The following TOP1 variants were observed in gnomAD, a reference collection of about 807,000 sequenced individuals.
TOP1 encodes the protein DNA topoisomerase 1.
Under a neutral mutation model 111.1 loss-of-function variants are expected in TOP1, and 10 were observed. That is an observed-to-expected ratio of 0.09 (90% CI 0.06 to 0.15). The LOEUF is 0.15. Among genes scored for constraint, TOP1 ranks in the 10% least tolerant of loss-of-function variants. The probability of loss-of-function intolerance (pLI) is 1.00; values close to 1 mark genes in which losing one functional copy is unlikely to be tolerated. For missense variants in TOP1, 474 were observed against 926.7 expected (o/e 0.51, Z 6.34); for synonymous variants, 271 against 302.9 (o/e 0.89, Z 1.10).
At position 41,082,088 on chromosome 20, in the gene TOP1, C is replaced by G. The variant is rs184668477; in HGVS notation, c.507+848C>G. On this transcript the variant is annotated intron_variant, in intron 7 of 20. Transcript: ENST00000361337. The surrounding 1 kb of genome is among the most constrained non-coding windows in gnomAD (Gnocchi z 4.1). ...CACAGGGGTCTTAATGATGCCCTCC[C>G]CTAAGACAAGAAGGGGTTGGGTGAG... Among the ~76,000 whole-genome samples the G allele has an allele frequency of 1.2e-3, 184 of 152,196 alleles. No homozygotes were observed. Among genetic ancestry groups the G allele is most frequent in the Non-Finnish European group, 1.8e-3 (124 of 67,998 alleles).
At chr20:41,036,751 C>T (rs1268634011) in intron 2 of TOP1, among the ~76,000 whole-genome samples, 1 of 151,814 alleles carries the variant, frequency 6.6e-6, no homozygotes, top group Non-Finnish European at 1.5e-5. Flanking sequence ...AGTTACAAAG[C>T]GGTCACTGTA....
At chr20:41,045,460 C>T (rs982424842) in intron 2 of TOP1, among the ~76,000 whole-genome samples, 7 of 152,128 alleles carry the variant, frequency 4.6e-5, no homozygotes, top group South Asian at 2.1e-4. Flanking sequence ...GGCAGTTGTA[C>T]GTTTTATTTG....
intron 4 of TOP1, among the ~76,000 whole-genome samples, chr20:41,076,958 T>C (rs1279265083): frequency 2.0e-5 from 3 of 152,186 alleles, no homozygotes; most frequent in Non-Finnish European, 4.4e-5. Flanking sequence ...CCTTTGTGTG[T>C]ATATATGAAG....
In TOP1 at chr20:41,118,094, T is replaced by C. The variant is rs2034362836; in HGVS notation, c.1823-75T>C. 22 of 1,505,024 alleles carry C rather than the reference T, an allele frequency of 1.5e-5. No homozygotes were observed. In the South Asian group the frequency reaches 2.8e-4, roughly 19 times the overall value. 93.2% of individuals were successfully genotyped at this position (1,505,024 alleles called of 1,614,324 possible). A position where few individuals can be genotyped will look rare whatever the true frequency, so the allele number is the denominator to read the frequency against. The stretch of plus-strand genomic sequence containing the variant: ...CAGCAAAATCATGGGGACGAGGCAC[T>C]GGGGGAAGACATACTGTGTGTTCAC... On this transcript the variant is annotated intron_variant, in intron 17 of 20. Transcript: ENST00000361337. The surrounding 1 kb of genome is among the most constrained non-coding windows in gnomAD (Gnocchi z 4.6).
At position 41,030,817 on chromosome 20, in the gene TOP1, A is replaced by G. The variant is rs527554204; in HGVS notation, c.58+1362A>G. On this transcript the variant is annotated intron_variant, in intron 2 of 20. Transcript: ENST00000361337. The surrounding 1 kb of genome is among the most constrained non-coding windows in gnomAD (Gnocchi z 4.1). ...GAGCAACCTTATGTTCAGAGTTTGA[A>G]GTGGGGCATCCAGCAGGAGATGGTA... is the stretch of plus-strand genomic sequence containing the variant. 6.6e-6 allele frequency among the ~76,000 whole-genome samples: 1 copy of G among 152,286 alleles called. No individual in the cohort carries two copies. The highest frequency in any genetic ancestry group is 1.9e-4 in the East Asian group (1 of 5,178).
At chr20:41,038,209 G>A (rs1208851839) in intron 2 of TOP1, among the ~76,000 whole-genome samples, 1 of 152,088 alleles carries the variant, frequency 6.6e-6, no homozygotes, top group Non-Finnish European at 1.5e-5. Flanking sequence ...GAGACTTAAA[G>A]GGAATTTAAA....
Position 41,030,106 on chromosome 20 carries a change from T to C in TOP1, c.58+651T>C, listed in dbSNP as rs1336083909. Among the ~76,000 whole-genome samples the C allele has an allele frequency of 6.6e-6, 1 of 152,232 alleles. No individual in the cohort carries two copies. The highest frequency in any genetic ancestry group is 2.4e-5 in the African/African-American group (1 of 41,458). On this transcript the variant is annotated intron_variant, in intron 2 of 20. Coordinates refer to ENST00000361337, the MANE Select transcript of TOP1 (RefSeq NM_003286.4). The surrounding 1 kb of genome is among the most constrained non-coding windows in gnomAD (Gnocchi z 4.1). Reference sequence around the variant, plus strand: ...CCACGCTTTGTGGAGTTCTTTATATTTCCAGGTTGTTTTTCCCAAGTTACG... The same window carrying C: ...CCACGCTTTGTGGAGTTCTTTATATCTCCAGGTTGTTTTTCCCAAGTTACG...
chr20:41,088,849 A>G (rs1049194294), intron 8 of TOP1, among the ~76,000 whole-genome samples: 2 of 152,068 alleles, frequency 1.3e-5, no homozygotes, highest in Admixed American at 6.5e-5. Context: ...TAAATTGTGT[A>G]AAATACATAT....
intron 9 of TOP1, among the ~76,000 whole-genome samples, chr20:41,093,341 T>C (rs2033942997): frequency 6.6e-6 from 1 of 152,224 alleles, no homozygotes; most frequent in South Asian, 2.1e-4. Context: ...CATACCCTTA[T>C]GTGCTTATGA....
rs115167442 is a variant in TOP1 at position 41,115,526 on chromosome 20, G to C, written c.1707+87G>C. 394 of 1,015,232 alleles carry C rather than the reference G, an allele frequency of 3.9e-4. 2 individuals carry two copies. In the African/African-American group the frequency reaches 5.8e-3, roughly 15 times the overall value. The allele number at this position is 1,015,232 out of a possible 1,614,324, so 62.9% of individuals were successfully genotyped here. On this transcript the variant is annotated intron_variant, in intron 16 of 20. Coordinates refer to ENST00000361337, the MANE Select transcript of TOP1 (RefSeq NM_003286.4). This position sits in a 1 kb window ranked among gnomAD's most constrained non-coding sequence, Gnocchi z 6.3. Reference sequence around the variant, plus strand: ...GGGGAGGGTTGCTGGCAGATGACTTGGGCTCTCCCTTTAGCCTGGCCTGCT... The same window carrying C: ...GGGGAGGGTTGCTGGCAGATGACTTCGGCTCTCCCTTTAGCCTGGCCTGCT...
rs1012485862 is a variant in TOP1, at chr20:41,095,199, C to T, written c.731-2021C>T. Among the ~76,000 whole-genome samples, 1 of 152,088 alleles carries T rather than the reference C, an allele frequency of 6.6e-6. No individual in the cohort carries two copies. Among genetic ancestry groups the T allele is most frequent in the African/African-American group, 2.4e-5 (1 of 41,420 alleles). On this transcript the variant is annotated intron_variant, in intron 9 of 20. Transcript: ENST00000361337. This position sits in a 1 kb window ranked among gnomAD's most constrained non-coding sequence, Gnocchi z 4.6. ...CCCAAGTAGCTGAAATTAACAGGCACGTGCCACCACACCTAAGTTTTGTAT... is the reference window on the plus strand; with the variant it reads ...CCCAAGTAGCTGAAATTAACAGGCATGTGCCACCACACCTAAGTTTTGTAT...
intron 2 of TOP1, among the ~76,000 whole-genome samples, chr20:41,045,033 C>T (rs2033316635): frequency 6.6e-6 from 1 of 152,192 alleles, no homozygotes; most frequent in Non-Finnish European, 1.5e-5. Context: ...AGTGATTCAC[C>T]TGCCTCAGCC....
chr20:41,044,530 C>T (rs1239936921), intron 2 of TOP1, among the ~76,000 whole-genome samples: 1 of 152,188 alleles, frequency 6.6e-6, no homozygotes, highest in East Asian at 1.9e-4. Flanking sequence ...GGGCCTGATT[C>T]TCCAGAGGTT....
intron 2 of TOP1, among the ~76,000 whole-genome samples, chr20:41,033,606 A>G (rs2033149256): frequency 1.3e-5 from 2 of 152,164 alleles, no homozygotes; most frequent in South Asian, 4.1e-4. Flanking sequence ...ATTATATAGT[A>G]ACAGTTGTCC....
At chr20:41,072,884 T>C in intron 3 of TOP1, 5 of 985,430 alleles carry the variant, frequency 5.1e-6, no homozygotes, top group South Asian at 4.7e-5. Flanking sequence ...TCTGCTCTTA[T>C]GCCTAAACAG....
At position 41,077,618 on chromosome 20, in the gene TOP1, A is replaced by G; in HGVS notation, c.316A>G (p.Lys106Glu). 2.5e-6 allele frequency: 4 copies of G among 1,614,042 alleles called. No individual in the cohort carries two copies. The highest frequency in any genetic ancestry group is 3.4e-6 in the Non-Finnish European group (4 of 1,179,910). ...TGGGGATGCAAAAATAAAGAAGGAG[A>G]AGGAAAATGGCTTCTCTAGGTAAGA... is the stretch of plus-strand genomic sequence containing the variant. ...ASGDAKIKKE[K>E]ENGFSSPPQI... is the part of the protein sequence containing the mutation. The change falls in exon 5 of 21, where the codon AAG becomes GAG. Residue 106 changes from lysine (K) to glutamate (E), a missense_variant. By Grantham distance (56) the Lys-to-Glu change is moderately conservative. Coordinates refer to ENST00000361337, the MANE Select transcript of TOP1 (RefSeq NM_003286.4).
At position 41,123,128 on chromosome 20, in the gene TOP1, C is replaced by G; in HGVS notation, c.2196-67C>G. On this transcript the variant is annotated intron_variant, in intron 20 of 20. Coordinates refer to ENST00000361337, the MANE Select transcript of TOP1 (RefSeq NM_003286.4). This position sits in a 1 kb window ranked among gnomAD's most constrained non-coding sequence, Gnocchi z 5.8. ...GAAAGAGAAGATGGAACATCTGACC[C>G]TGGGCCTCAGATATGGGCCATTGCT... 1 of 1,043,820 alleles carries G rather than the reference C, an allele frequency of 9.6e-7. No homozygotes were observed. 64.7% of individuals were successfully genotyped at this position (1,043,820 alleles called of 1,614,324 possible).
At chr20:41,062,513 AT>A (rs2033558035) in intron 3 of TOP1, among the ~76,000 whole-genome samples, 1 of 151,812 alleles carries the variant, frequency 6.6e-6, no homozygotes, top group Non-Finnish European at 1.5e-5. Flanking sequence ...CATTTTCATT[AT>A]TCTGGTAAAT....
Position 41,084,465 on chromosome 20 carries a change from G to T in TOP1, c.511G>T (p.Gly171Cys). The T allele has an allele frequency of 1.3e-6, 2 of 1,539,130 alleles. No homozygotes were observed. Among genetic ancestry groups the T allele is most frequent in the South Asian group, 2.4e-5 (2 of 82,476 alleles). The change falls in exon 8 of 21, where the codon GGT (glycine) becomes TGT (cysteine). Residue 171 changes from glycine (G) to cysteine (C), a missense_variant. Gly to Cys is a radical substitution (Grantham distance 159). Around this residue, in one of 14 missense-constraint regions of TOP1, gnomAD observed 185 missense variants for 226.3 expected, o/e 0.82. Coordinates refer to ENST00000361337, the MANE Select transcript of TOP1 (RefSeq NM_003286.4). ...KKRKLEEEED[G>C]KLKKPKNKDK... ...TTCTCACCATGTTTCTTTGTAGGAT[G>T]GTAAATTGAAAAAACCCAAGAATAA...
Sources: allele counts gnomAD v4.1 joint callset (sites outside exome capture counted in the v4.1 genomes callset), GRCh38; gene constraint gnomAD v4.1.1; regional missense constraint gnomAD v4.1.1; non-coding constraint Gnocchi (gnomAD v3.1); transcripts MANE v1.5; gene names NCBI Gene and HGNC (gene_info 2026-07-23, HGNC 2026-07-21).